DOT1L: variants seen among roughly 807,000 people sequenced by gnomAD.
The protein encoded by DOT1L is histone-lysine N-methyltransferase, H3 lysine-79 specific.
DOT1L carries 33 observed loss-of-function variants against 153.3 expected under a neutral mutation model. That is an observed-to-expected ratio of 0.22 (90% CI 0.16 to 0.29). The LOEUF is 0.29. Among genes scored for constraint, DOT1L ranks in the 10% least tolerant of loss-of-function variants. The pLI, the probability that DOT1L is intolerant of heterozygous loss-of-function variation, is 1.00. For missense variants in DOT1L, 1,847 were observed against 2,119.9 expected, an observed-to-expected ratio of 0.87 and a Z score of 2.53; for synonymous variants, 1,135 against 965.1, an observed-to-expected ratio of 1.18 and a Z score of -3.26.
At chr19:2,214,880 C>T (rs893005421) in intron 19 of DOT1L, among the ~76,000 whole-genome samples, 4 of 152,144 alleles carry the variant, frequency 2.6e-5, no homozygotes, top group Non-Finnish European at 2.9e-5. Flanking sequence ...TGCCTCCTTG[C>T]AAATCATTTC....
intron 2 of DOT1L, among the ~76,000 whole-genome samples, chr19:2,185,505 A>G (rs767721713): frequency 5.3e-5 from 8 of 152,158 alleles, no homozygotes; most frequent in Admixed American, 1.3e-4. Context: ...AAGATTGTTT[A>G]CACCTGTCAT....
intron 12 of DOT1L, among the ~76,000 whole-genome samples, chr19:2,210,047 G>T (rs2023652500): frequency 6.6e-6 from 1 of 152,174 alleles, no homozygotes; most frequent in Admixed American, 6.6e-5. Context: ...AGGGGAGGCT[G>T]TGGGCTGTGG....
chr19:2,189,816 C>G, intron 4 of DOT1L, 21 bp downstream of exon 4: 1 of 1,610,976 alleles, frequency 6.2e-7, no homozygotes, highest in Non-Finnish European at 8.5e-7. Context: ...TGCCCCTGCC[C>G]AGAGGGGGTT....
In DOT1L at chr19:2,230,404, A is replaced by C; in HGVS notation, c.*612A>C. The C allele has an allele frequency of 2.5e-6, 1 of 402,560 alleles. No homozygotes were observed. The highest frequency in any genetic ancestry group is 4.4e-6 in the Non-Finnish European group (1 of 228,818). The allele number at this position is 402,560 out of a possible 1,614,324, so 24.9% of individuals were successfully genotyped here. Reference sequence around the variant, plus strand: ...CTTTACCCCGGCACTGTGAACCCCCAGACTGTTCACCCTCCGGGGCGTGGG... The same window carrying C: ...CTTTACCCCGGCACTGTGAACCCCCCGACTGTTCACCCTCCGGGGCGTGGG... On this transcript the variant is annotated 3_prime_UTR_variant, in exon 28 of 28. Transcript: ENST00000398665.
At chr19:2,224,552 C>T (rs1229732881) in intron 25 of DOT1L, among the ~76,000 whole-genome samples, 2 of 151,726 alleles carry the variant, frequency 1.3e-5, no homozygotes, top group East Asian at 1.9e-4. Context: ...ACTGACCCTC[C>T]GCCTCCTGGG....
In DOT1L at chr19:2,217,102, G is replaced by A. The variant is rs79896266; in HGVS notation, c.2544+12G>A. 3,073 of 1,582,848 alleles carry A rather than the reference G, an allele frequency of 1.9e-3. 52 individuals carry two copies. In the African/African-American group the frequency reaches 0.037, roughly 19 times the overall value. On this transcript the variant is annotated intron_variant, in intron 21 of 27. Coordinates refer to ENST00000398665, the MANE Select transcript of DOT1L (RefSeq NM_032482.3). This position sits in a 1 kb window ranked among gnomAD's most constrained non-coding sequence, Gnocchi z 7.3. ...AGAGCAGTGAGAAGGTGCGGGCCGCGACCCCTGCCCCGGGCTCAGGGAGGT... is the reference window on the plus strand; with the variant it reads ...AGAGCAGTGAGAAGGTGCGGGCCGCAACCCCTGCCCCGGGCTCAGGGAGGT...
Position 2,184,144 on chromosome 19 carries a change from C to T in DOT1L, c.126-1711C>T, listed in dbSNP as rs201069915. Among the ~76,000 whole-genome samples the T allele has an allele frequency of 2.4e-4, 37 of 152,186 alleles. No individual in the cohort carries two copies. The East Asian group carries it at 4.5e-3, about 18-fold the overall frequency. The stretch of plus-strand genomic sequence containing the variant: ...TTTGAGTGTTTTTCTTGCCGAGTTG[C>T]GCTGGCCGGAACCTCCTGGACAGTG... On this transcript the variant is annotated intron_variant, in intron 2 of 27. Coordinates refer to ENST00000398665, the MANE Select transcript of DOT1L (RefSeq NM_032482.3).
In DOT1L at chr19:2,229,226, G is replaced by A. The variant is rs980764756; in HGVS notation, c.4607-559G>A. Reference sequence around the variant, plus strand: ...CCCCCAAGAGGCTGTGGAGACTGTGGCCGCTGACCCCTGAGGGCAGTTGGC... The same window carrying A: ...CCCCCAAGAGGCTGTGGAGACTGTGACCGCTGACCCCTGAGGGCAGTTGGC... On this transcript the variant is annotated intron_variant, in intron 27 of 27. Transcript: ENST00000398665. 5.0e-5 allele frequency: 49 copies of A among 985,348 alleles called. No homozygotes were observed. The African/African-American group carries it at 8.2e-4, about 17-fold the overall frequency. 61.0% of individuals were successfully genotyped at this position (985,348 alleles called of 1,614,324 possible).
chr19:2,164,283 C>T lies in DOT1L; in HGVS notation c.81+18C>T. On this transcript the variant is annotated intron_variant, in intron 1 of 27. Transcript: ENST00000398665. ...CGGTCTACGTGAGTGCCGCCCTCCA[C>T]CGTCCCTACCTCCCGGCCTCCCCTC... 1 of 1,253,762 alleles carries T rather than the reference C, an allele frequency of 8.0e-7. No individual in the cohort carries two copies. Among genetic ancestry groups the T allele is most frequent in the African/African-American group, 1.5e-5 (1 of 64,766 alleles). The allele number at this position is 1,253,762 out of a possible 1,614,324, so 77.7% of individuals were successfully genotyped here. A position where few individuals can be genotyped will look rare whatever the true frequency, so the allele number is the denominator to read the frequency against.
At chr19:2,202,203 G>C (rs1490161189) in intron 8 of DOT1L, among the ~76,000 whole-genome samples, 2 of 152,218 alleles carry the variant, frequency 1.3e-5, no homozygotes, top group Non-Finnish European at 1.5e-5. Context: ...GGGAGCCTCT[G>C]GTTCCCCTGT....
At chr19:2,228,596 C>G (rs994800305) in intron 27 of DOT1L, 2 of 985,258 alleles carry the variant, frequency 2.0e-6, no homozygotes, top group Non-Finnish European at 2.4e-6. Flanking sequence ...TTCCAGCTGC[C>G]CGCAGCTGGG....
At position 2,230,595 on chromosome 19, in the gene DOT1L, G is replaced by A. The variant is rs551812077; in HGVS notation, c.*803G>A. The A allele has an allele frequency of 3.5e-5, 14 of 398,696 alleles. No individual in the cohort carries two copies. The highest frequency in any genetic ancestry group is 3.1e-4 in the Admixed American group (7 of 22,744). The allele number at this position is 398,696 out of a possible 1,614,324, so 24.7% of individuals were successfully genotyped here. A position where few individuals can be genotyped will look rare whatever the true frequency, so the allele number is the denominator to read the frequency against. ...CCCTGCGATGCGGGGCAGGCCTGTC[G>A]TGGGTCCCTTGGTGTTTCTGTACAG... is the stretch of plus-strand genomic sequence containing the variant. On this transcript the variant is annotated 3_prime_UTR_variant, in exon 28 of 28. Transcript: ENST00000398665.
In DOT1L at chr19:2,232,548, C is replaced by T. The variant is rs956677268; in HGVS notation, c.*2756C>T. 9 of 211,908 alleles carry T rather than the reference C, an allele frequency of 4.2e-5. No homozygotes were observed. The highest frequency in any genetic ancestry group is 1.9e-4 in the South Asian group (1 of 5,374). 13.1% of individuals were successfully genotyped at this position (211,908 alleles called of 1,614,324 possible). ...TGCATTCTGCATCCCCACCTCTAGA[C>T]GCTGTAATAAACAGACTGTTTTCAC... is the stretch of plus-strand genomic sequence containing the variant. On this transcript the variant is annotated 3_prime_UTR_variant, in exon 28 of 28. Coordinates refer to ENST00000398665, the MANE Select transcript of DOT1L (RefSeq NM_032482.3).
intron 3 of DOT1L, among the ~76,000 whole-genome samples, chr19:2,188,513 C>T (rs1359429533): frequency 6.9e-6 from 1 of 145,528 alleles, no homozygotes; most frequent in Admixed American, 6.8e-5. Context: ...AGGTGCAGGC[C>T]CCCTCGGCGC....
At chr19:2,219,429 G>A (rs939869808) in intron 22 of DOT1L, among the ~76,000 whole-genome samples, 7 of 152,236 alleles carry the variant, frequency 4.6e-5, no homozygotes, top group South Asian at 2.1e-4. Flanking sequence ...CCCCGAACAC[G>A]CTCATGTCTG....
rs562128721 is a variant in DOT1L at position 2,208,535 on chromosome 19, C to T, written c.964-400C>T. Among the ~76,000 whole-genome samples, 4 of 152,310 alleles carry T rather than the reference C, an allele frequency of 2.6e-5. No homozygotes were observed. The South Asian group carries it at 8.3e-4, about 32-fold the overall frequency. On this transcript the variant is annotated intron_variant, in intron 11 of 27. Transcript: ENST00000398665. The surrounding 1 kb of genome is among the most constrained non-coding windows in gnomAD (Gnocchi z 4.4). The stretch of plus-strand genomic sequence containing the variant: ...GGGGCTTGGCCTACCGTGCGGCCCC[C>T]ACCTCCACGCAGTGCTGCTGCTTCA...
At chr19:2,182,554 C>T (rs1465743004) in intron 2 of DOT1L, among the ~76,000 whole-genome samples, 1 of 152,088 alleles carries the variant, frequency 6.6e-6, no homozygotes, top group African/African-American at 2.4e-5. Context: ...AGAAAGAGTG[C>T]TCCAGGGCTG....
At chr19:2,216,047 T>C in intron 19 of DOT1L, 1 of 520,118 alleles carries the variant, frequency 1.9e-6, no homozygotes, top group Non-Finnish European at 3.4e-6. Flanking sequence ...CTGTTGCTCT[T>C]TTTGAAGAAG....
chr19:2,187,676 A>G (rs2022578362), intron 3 of DOT1L, among the ~76,000 whole-genome samples: 1 of 152,134 alleles, frequency 6.6e-6, no homozygotes, highest in Non-Finnish European at 1.5e-5. Flanking sequence ...TAATCCCAGC[A>G]CTTTGGGAGG....
Sources: gnomAD v4.1 joint callset for allele counts (sites outside exome capture counted in the v4.1 genomes callset) on GRCh38, gnomAD v4.1.1 for gene constraint, Gnocchi (gnomAD v3.1) non-coding constraint, MANE v1.5 for transcripts, NCBI Gene and HGNC (gene_info 2026-07-23, HGNC 2026-07-21) for gene names.